OSMR: variants seen among roughly 807,000 people sequenced by gnomAD.
OSMR encodes oncostatin M receptor, also known as oncostatin-M-specific receptor subunit beta.
Under a neutral mutation model 99.9 loss-of-function variants are expected in OSMR, and 81 were observed. The observed-to-expected ratio is 0.81, with a 90% CI of 0.68 to 0.97. OSMR has a LOEUF of 0.97. OSMR is among the 50% of genes least tolerant of loss of function. OSMR has a pLI of 0.00. For missense variants in OSMR, 1,099 were observed against 1,153.4 expected, an observed-to-expected ratio of 0.95 and a Z score of 0.68; for synonymous variants, 406 against 410.4, an observed-to-expected ratio of 0.99 and a Z score of 0.13.
chr5:38,927,539 G>T (rs1172185300), intron 15 of OSMR, among the ~76,000 whole-genome samples: 1 of 152,222 alleles, frequency 6.6e-6, no homozygotes, highest in African/African-American at 2.4e-5. Flanking sequence ...GCCACAGCTG[G>T]AGCTGAAGCA....
chr5:38,933,655 T>A lies in OSMR; in HGVS notation c.*211T>A. On this transcript the variant is annotated 3_prime_UTR_variant, in exon 18 of 18. Coordinates refer to ENST00000274276, the MANE Select transcript of OSMR (RefSeq NM_003999.3). The stretch of plus-strand genomic sequence containing the variant: ...CAAGCTTGCCCTAGAGACGGCAGGA[T>A]CATGGGAGCATGCTTACCTTCTGCT... The A allele has an allele frequency of 1.7e-6, 1 of 587,192 alleles. No individual in the cohort carries two copies. Among genetic ancestry groups the A allele is most frequent in the South Asian group, 2.0e-5 (1 of 50,642 alleles). The allele number at this position is 587,192 out of a possible 1,614,324, so 36.4% of individuals were successfully genotyped here.
intron 7 of OSMR, among the ~76,000 whole-genome samples, chr5:38,895,663 C>T (rs1744456558): frequency 2.0e-5 from 3 of 151,742 alleles, no homozygotes; most frequent in African/African-American, 7.3e-5. Flanking sequence ...TTCTATTTGT[C>T]CATTTTTGCT....
At chr5:38,906,403 G>A (rs1745236207) in intron 9 of OSMR, among the ~76,000 whole-genome samples, 1 of 152,116 alleles carries the variant, frequency 6.6e-6, no homozygotes, top group African/African-American at 2.4e-5. Context: ...AAATCTTTAT[G>A]TGTATTATAA....
chr5:38,917,810 T>C (rs113954399), intron 10 of OSMR, among the ~76,000 whole-genome samples, 188 bp downstream of exon 10: 921 of 152,320 alleles, frequency 6.0e-3, no homozygotes, highest in Non-Finnish European at 9.2e-3. Flanking sequence ...CTGATGCAAC[T>C]GACAGCCAGT....
Position 38,861,084 on chromosome 5 carries a change from G to A in OSMR, c.-13-7948G>A, listed in dbSNP as rs146065964. Among the ~76,000 whole-genome samples, 569 of 152,154 alleles carry A rather than the reference G, an allele frequency of 3.7e-3. 2 individuals carry two copies. The highest frequency in any genetic ancestry group is 0.013 in the African/African-American group (551 of 41,518). ...TAGTTTTATTCTGTTGTGGTTTGAG[G>A]AAACACTTGATATGATTTTGGTTTT... On this transcript the variant is annotated intron_variant, in intron 1 of 17. Coordinates refer to ENST00000274276, the MANE Select transcript of OSMR (RefSeq NM_003999.3).
intron 3 of OSMR, 89 bp from the exon 4 acceptor site, chr5:38,881,504 T>C: frequency 6.2e-7 from 1 of 1,611,574 alleles, no homozygotes; most frequent in African/African-American, 1.3e-5. Flanking sequence ...CAATGGGGTC[T>C]TAGGTTTGTG....
chr5:38,864,993 G>A lies in OSMR; in HGVS notation c.-13-4039G>A, dbSNP rs116825781. 3.7e-3 allele frequency among the ~76,000 whole-genome samples: 569 copies of A among 152,136 alleles called. 2 individuals are homozygous for A. Among genetic ancestry groups the A allele is most frequent in the African/African-American group, 0.013 (551 of 41,514 alleles). ...CTCTGTCTGTCGCTTTTATGACTGA[G>A]TTATTTCAAAAGACCTGTATACAAG... On this transcript the variant is annotated intron_variant, in intron 1 of 17. Coordinates refer to ENST00000274276, the MANE Select transcript of OSMR (RefSeq NM_003999.3).
intron 1 of OSMR, among the ~76,000 whole-genome samples, chr5:38,860,703 G>A (rs1048847557): frequency 4.6e-5 from 7 of 152,066 alleles, no homozygotes; most frequent in African/African-American, 9.7e-5. Flanking sequence ...ATGGAGTCTC[G>A]CTGTTGTCGC....
intron 7 of OSMR, among the ~76,000 whole-genome samples, chr5:38,896,056 C>G (rs565337676): frequency 1.3e-5 from 2 of 151,992 alleles, no homozygotes; most frequent in Admixed American, 6.5e-5. Context: ...TACTATAGCT[C>G]TATAGTATAA....
chr5:38,942,630 A>C (rs979225517), intron 1 of OSMR, among the ~76,000 whole-genome samples: 36 of 151,472 alleles, frequency 2.4e-4, no homozygotes, highest in South Asian at 2.1e-4. Flanking sequence ...AAAAAAAAAA[A>C]AAAACTGTGT....
chr5:38,886,377 T>C, intron 7 of OSMR, 187 bp downstream of exon 7: 1 of 1,412,062 alleles, frequency 7.1e-7, no homozygotes, highest in South Asian at 1.6e-5. Context: ...ATTTGTTTCT[T>C]TTAATAATGT....
At chr5:38,910,663 A>T (rs72732730) in intron 9 of OSMR, among the ~76,000 whole-genome samples, 24,166 of 152,072 alleles carry the variant, frequency 0.16, 2,030 homozygotes, top group Middle Eastern at 0.26. Flanking sequence ...GAAATTAATG[A>T]GAAGAAAGAT....
chr5:38,944,445 C>T (rs2112802105), intron 2 of OSMR: 1 of 1,597,620 alleles, frequency 6.3e-7, no homozygotes, highest in Non-Finnish European at 8.5e-7. Context: ...AGTTTACTCA[C>T]GTTAAAAGCC....
At chr5:38,868,540 T>G (rs61333312) in intron 1 of OSMR, among the ~76,000 whole-genome samples, 13,211 of 152,196 alleles carry the variant, frequency 0.087, 1,344 homozygotes, top group East Asian at 0.5. Flanking sequence ...CTTATCAAGG[T>G]TTTCCACTTT....
Position 38,934,854 on chromosome 5 carries a change from A to G in OSMR, c.*1410A>G, listed in dbSNP as rs1295364978. The G allele has an allele frequency of 1.3e-5, 2 of 151,222 alleles. No homozygotes were observed. The highest frequency in any genetic ancestry group is 6.6e-5 in the Admixed American group (1 of 15,158). The allele number at this position is 151,222 out of a possible 1,614,324, so 9.4% of individuals were successfully genotyped here. A position where few individuals can be genotyped will look rare whatever the true frequency, so the allele number is the denominator to read the frequency against. On this transcript the variant is annotated 3_prime_UTR_variant, in exon 18 of 18. Coordinates refer to ENST00000274276, the MANE Select transcript of OSMR (RefSeq NM_003999.3). ...TTATTTTACTTTTATTTATTTTTTG[A>G]GATGAAATTTCGCTCTTGTTGCCCA... is the stretch of plus-strand genomic sequence containing the variant.
intron 11 of OSMR, chr5:38,919,667 C>G (rs1159428096): frequency 2.9e-5 from 8 of 275,438 alleles, no homozygotes; most frequent in Non-Finnish European, 4.2e-5. Flanking sequence ...CAGTTACATG[C>G]TATGAGATGA....
chr5:38,913,509 C>T (rs550776465), intron 9 of OSMR, among the ~76,000 whole-genome samples: 45 of 149,528 alleles, frequency 3.0e-4, no homozygotes, highest in African/African-American at 1.1e-3. Flanking sequence ...GAGGTCGTGC[C>T]ACTGCACTCC....
intron 11 of OSMR, 97 bp from the exon 12 acceptor site, chr5:38,921,518 G>C: frequency 1.3e-6 from 2 of 1,583,206 alleles, no homozygotes; most frequent in South Asian, 2.3e-5. Flanking sequence ...TTACCTACTA[G>C]ATACAGTGCA....
chr5:38,878,903 TAATGA>T (rs1423792261), intron 3 of OSMR, among the ~76,000 whole-genome samples: 22 of 152,226 alleles, frequency 1.4e-4, no homozygotes, highest in African/African-American at 5.1e-4. Context: ...CATTGCATAT[TAATGA>T]AATGATTAAA....
Sources: allele counts gnomAD v4.1 joint callset (sites outside exome capture counted in the v4.1 genomes callset), GRCh38; gene constraint gnomAD v4.1.1; transcripts MANE v1.5; gene names NCBI Gene and HGNC (gene_info 2026-07-23, HGNC 2026-07-21).